Variants in EPB41L4A observed in about 807,000 individuals in gnomAD.
The protein encoded by EPB41L4A is band 4.1-like protein 4A.
A neutral mutation model predicts 108.6 loss-of-function variants in EPB41L4A; 100 were observed. The ratio of observed to expected loss-of-function variants is 0.92; its 90% confidence interval spans 0.78 to 1.09. The LOEUF is 1.09. EPB41L4A is among the 50% of genes least tolerant of loss of function. The pLI is 0.00. For missense variants in EPB41L4A, 1,030 were observed against 842.7 expected (o/e 1.22, Z -2.75); for synonymous variants, 319 against 289.0 (o/e 1.10, Z -1.05).
intron 11 of EPB41L4A, among the ~76,000 whole-genome samples, chr5:112,239,396 C>A (rs1194735909): frequency 1.3e-5 from 2 of 152,104 alleles, no homozygotes; most frequent in Admixed American, 1.3e-4. Flanking sequence ...TAAGTGATAA[C>A]TGTGTCAAAA....
intron 9 of EPB41L4A, among the ~76,000 whole-genome samples, chr5:112,246,440 T>C (rs1750230214): frequency 6.6e-6 from 1 of 152,200 alleles, no homozygotes; most frequent in East Asian, 1.9e-4. Context: ...CTAGGTATTG[T>C]GAAAGGAAAT....
chr5:112,234,212 T>TAAATA (rs1024709734), intron 12 of EPB41L4A, among the ~76,000 whole-genome samples: 7 of 135,016 alleles, frequency 5.2e-5, no homozygotes, highest in Non-Finnish European at 6.8e-5. Flanking sequence ...AAATAAAATA[T>TAAATA]AAATAAAATA....
intron 2 of EPB41L4A, among the ~76,000 whole-genome samples, chr5:112,289,265 T>C (rs368778564): frequency 1.8e-4 from 28 of 152,308 alleles, no homozygotes; most frequent in East Asian, 9.6e-4. Flanking sequence ...TGGATACTCA[T>C]TGAAATCTTA....
intron 1 of EPB41L4A, chr5:112,392,864 A>G (rs905967517): frequency 2.6e-5 from 4 of 152,208 alleles, no homozygotes; most frequent in African/African-American, 7.2e-5. Context: ...AGCAAATGTA[A>G]AAGTACAGAA....
chr5:112,345,147 A>T (rs1434964963), intron 1 of EPB41L4A, among the ~76,000 whole-genome samples: 1 of 152,198 alleles, frequency 6.6e-6, no homozygotes, highest in Non-Finnish European at 1.5e-5. Context: ...CCTTTGGGGC[A>T]TGGCTGAAAT....
chr5:112,338,863 T>C (rs142556748), intron 1 of EPB41L4A, among the ~76,000 whole-genome samples: 1 of 152,252 alleles, frequency 6.6e-6, no homozygotes, highest in East Asian at 1.9e-4. Context: ...AAGCTCAAAA[T>C]ATTTATTGCC....
intron 1 of EPB41L4A, among the ~76,000 whole-genome samples, chr5:112,392,138 C>T (rs1760987032): frequency 6.6e-6 from 1 of 152,104 alleles, no homozygotes; most frequent in African/African-American, 2.4e-5. Flanking sequence ...CTGTAAAGAC[C>T]ACTGATGCTA....
chr5:112,278,383 C>T (rs1435457986), intron 3 of EPB41L4A, among the ~76,000 whole-genome samples: 1 of 151,834 alleles, frequency 6.6e-6, no homozygotes, highest in Admixed American at 6.6e-5. Context: ...TCCCGAATAG[C>T]TGGGATTACA....
intron 7 of EPB41L4A, among the ~76,000 whole-genome samples, chr5:112,261,123 G>A (rs1751458272): frequency 6.6e-6 from 1 of 152,202 alleles, no homozygotes; most frequent in Non-Finnish European, 1.5e-5. Context: ...TGATTCTACA[G>A]TTTTAGCAGT....
intron 9 of EPB41L4A, among the ~76,000 whole-genome samples, chr5:112,247,016 T>A (rs1750286614): frequency 6.6e-6 from 1 of 152,230 alleles, no homozygotes; most frequent in Non-Finnish European, 1.5e-5. Context: ...TTTCCTCGAC[T>A]GACAATGTGT....
At chr5:112,200,976 AAATTT>A (rs780725125) in intron 15 of EPB41L4A, among the ~76,000 whole-genome samples, 79 of 152,350 alleles carry the variant, frequency 5.2e-4, no homozygotes, top group Non-Finnish European at 1.1e-3. Context: ...TCCTATTATT[AAATTT>A]AAGTCCTTGA....
At chr5:112,161,384 G>A (rs1204975094), downstream of EPB41L4A, 1 of 418,784 alleles carries the variant, frequency 2.4e-6, no homozygotes, top group African/African-American at 2.1e-5. Context: ...TAAATCGTGA[G>A]AAAATTTCTC....
At chr5:112,151,843 G>A (rs971619484) in intron 12 of EPB41L4A, among the ~76,000 whole-genome samples, 58 of 151,794 alleles carry the variant, frequency 3.8e-4, no homozygotes, top group African/African-American at 1.4e-3. Flanking sequence ...CTATTCTCCC[G>A]CCTCAGCCTC....
chr5:112,397,904 C>T (rs1255662537), intron 1 of EPB41L4A, among the ~76,000 whole-genome samples: 2 of 152,204 alleles, frequency 1.3e-5, no homozygotes, highest in Admixed American at 6.5e-5. Flanking sequence ...AACCATTAAC[C>T]ATTATTCTGT....
intron 3 of EPB41L4A, among the ~76,000 whole-genome samples, chr5:112,278,643 T>C (rs1645156871): frequency 6.6e-6 from 1 of 152,178 alleles, no homozygotes; most frequent in Non-Finnish European, 1.5e-5. Flanking sequence ...TGTAAATAAG[T>C]AGACACTTTA....
At chr5:112,295,793 T>C (rs766302042) in intron 2 of EPB41L4A, among the ~76,000 whole-genome samples, 1 of 152,184 alleles carries the variant, frequency 6.6e-6, no homozygotes, top group Non-Finnish European at 1.5e-5. Context: ...ATCAGATACA[T>C]TGTACCATAG....
exon 14 of EPB41L4A, chr5:112,143,625 A>T (rs1191282296): frequency 4.9e-6 from 1 of 203,460 alleles, no homozygotes; most frequent in Non-Finnish European, 1.0e-5. Context: ...CATTCTTACT[A>T]TTGCAGACAG....
intron 6 of EPB41L4A, among the ~76,000 whole-genome samples, chr5:112,263,039 T>C (rs906869036): frequency 3.2e-4 from 48 of 152,348 alleles, no homozygotes; most frequent in African/African-American, 1.2e-3. Flanking sequence ...CGAGATCTCC[T>C]GACCACATGT....
At chr5:112,153,078 G>C (rs914307600) in intron 12 of EPB41L4A, among the ~76,000 whole-genome samples, 2 of 152,006 alleles carry the variant, frequency 1.3e-5, no homozygotes, top group Non-Finnish European at 2.9e-5. Context: ...CATTAGCCTG[G>C]CATGGTGTTG....
Sources: gnomAD v4.1 joint callset for allele counts (sites outside exome capture counted in the v4.1 genomes callset) on GRCh38, gnomAD v4.1.1 for gene constraint, MANE v1.5 for transcripts, NCBI Gene and HGNC (gene_info 2026-07-23, HGNC 2026-07-21) for gene names.